The following RPS6KA2 variants were observed in gnomAD, a reference collection of about 807,000 sequenced individuals.
RPS6KA2 encodes ribosomal protein S6 kinase alpha-2.
Under a neutral mutation model 91.8 loss-of-function variants are expected in RPS6KA2, and 42 were observed. The observed-to-expected ratio is 0.46, with a 90% confidence interval of 0.36 to 0.59. The LOEUF is 0.59. Ranked by LOEUF, RPS6KA2 falls within the 20% of genes least tolerant of loss-of-function variation. The pLI, the probability that RPS6KA2 is intolerant of heterozygous loss-of-function variation, is 0.00. For synonymous variants in RPS6KA2, 414 were observed against 393.6 expected (o/e 1.05, Z -0.61); for missense variants, 798 against 978.5 (o/e 0.82, Z 2.46).
chr6:166,504,240 T>C (rs1252252849), intron 6 of RPS6KA2, among the ~76,000 whole-genome samples: 2 of 152,186 alleles, frequency 1.3e-5, no homozygotes, highest in Non-Finnish European at 2.9e-5. Flanking sequence ...ATCACAGACA[T>C]GCACCTGAGC....
intron 2 of RPS6KA2, among the ~76,000 whole-genome samples, chr6:166,836,354 T>G (rs1162159830): frequency 6.6e-6 from 1 of 152,212 alleles, no homozygotes; most frequent in Non-Finnish European, 1.5e-5. Flanking sequence ...AATTCACTAG[T>G]GAATTCAATT....
chr6:166,438,456 C>T (rs1210027607), intron 14 of RPS6KA2, among the ~76,000 whole-genome samples: 1 of 152,368 alleles, frequency 6.6e-6, no homozygotes, highest in East Asian at 1.9e-4. Flanking sequence ...TATTCTTGCA[C>T]AGTTCTAAGG....
rs542173355 is a variant in RPS6KA2, at chr6:166,459,010, C to T, written c.1075+439G>A. On this transcript the variant is annotated intron_variant, in intron 12 of 20. Transcript: ENST00000265678. The surrounding 1 kb of genome is among the most constrained non-coding windows in gnomAD (Gnocchi z 4.9). ...TCCAATTGCTGTGCTATTTAGTAGC[C>T]GATACTACTTTTCAAATGGGTTTCT... is the stretch of plus-strand genomic sequence containing the variant. Among the ~76,000 whole-genome samples, 4 of 152,148 alleles carry T rather than the reference C, an allele frequency of 2.6e-5. No homozygotes were observed. Among genetic ancestry groups the T allele is most frequent in the South Asian group, 2.1e-4 (1 of 4,818 alleles).
intron 2 of RPS6KA2, among the ~76,000 whole-genome samples, chr6:166,781,836 G>C (rs1778781453): frequency 6.6e-6 from 1 of 152,208 alleles, no homozygotes; most frequent in Admixed American, 6.5e-5. Context: ...AGCCGACTAT[G>C]GGCAGAGTGT....
intron 2 of RPS6KA2, among the ~76,000 whole-genome samples, chr6:166,721,314 C>T (rs1300943716): frequency 1.3e-5 from 2 of 152,216 alleles, no homozygotes; most frequent in African/African-American, 4.8e-5. Context: ...GGGAAAATAC[C>T]GGAGAGGCAA....
chr6:166,503,661 G>A (rs570071182), intron 6 of RPS6KA2, among the ~76,000 whole-genome samples: 2 of 152,324 alleles, frequency 1.3e-5, no homozygotes, highest in South Asian at 4.1e-4. Context: ...TCACCTCAGG[G>A]ATACTGCTGA....
chr6:166,647,876 G>T (rs1787678415), intron 2 of RPS6KA2, among the ~76,000 whole-genome samples: 1 of 86,510 alleles, frequency 1.2e-5, no homozygotes, highest in Admixed American at 1.2e-4. Context: ...ACATGCACAT[G>T]CTGACACACA....
Position 166,799,147 on chromosome 6 carries a change from T to G in RPS6KA2, c.123+59053A>C, listed in dbSNP as rs140881097. On this transcript the variant is annotated intron_variant, in intron 2 of 21. Coordinates refer to the RPS6KA2 transcript ENST00000503859. ...TTCCCATTTATGTGAACAAGTTTGC[T>G]TTAGCTCATAAAAATGAAACTAGAG... 2.9e-3 allele frequency among the ~76,000 whole-genome samples: 443 copies of G among 152,364 alleles called. 3 individuals are homozygous for G. Among genetic ancestry groups the G allele is most frequent in the African/African-American group, 0.01 (423 of 41,586 alleles).
At chr6:166,803,886 T>C (rs571748125) in intron 2 of RPS6KA2, among the ~76,000 whole-genome samples, 2 of 152,322 alleles carry the variant, frequency 1.3e-5, no homozygotes, top group Admixed American at 6.5e-5. Context: ...TGGCTGAAAA[T>C]TGCTTTTAAA....
At chr6:166,555,792 G>C (rs1784160209) in intron 1 of RPS6KA2, among the ~76,000 whole-genome samples, 1 of 152,126 alleles carries the variant, frequency 6.6e-6, no homozygotes, top group Non-Finnish European at 1.5e-5. Flanking sequence ...ACCCAGATAG[G>C]TCCTTCATCT....
At chr6:166,690,212 C>T (rs1789163801) in intron 2 of RPS6KA2, among the ~76,000 whole-genome samples, 1 of 152,182 alleles carries the variant, frequency 6.6e-6, no homozygotes, top group African/African-American at 2.4e-5. Context: ...GGGGTCTTTT[C>T]TCCCACAGCT....
At chr6:166,744,700 A>G (rs1790932255) in intron 2 of RPS6KA2, among the ~76,000 whole-genome samples, 1 of 152,098 alleles carries the variant, frequency 6.6e-6, no homozygotes, top group Non-Finnish European at 1.5e-5. Context: ...CCAGGAGAGG[A>G]GGAGATGACA....
intron 16 of RPS6KA2, among the ~76,000 whole-genome samples, chr6:166,425,503 G>A (rs1778877395): frequency 6.6e-6 from 1 of 152,114 alleles, no homozygotes; most frequent in African/African-American, 2.4e-5. Context: ...GACACAGACT[G>A]GCAAATTGGA....
intron 1 of RPS6KA2, among the ~76,000 whole-genome samples, chr6:166,860,139 T>C (rs900026280): frequency 1.9e-5 from 1 of 51,516 alleles, no homozygotes; most frequent in African/African-American, 2.9e-5. Flanking sequence ...TTTGGAAATT[T>C]CCTCAGAAAC....
intron 1 of RPS6KA2, among the ~76,000 whole-genome samples, chr6:166,579,968 T>C (rs1017807691): frequency 1.2e-4 from 19 of 152,208 alleles, no homozygotes; most frequent in African/African-American, 3.9e-4. Context: ...GACAACACCT[T>C]CCTAACTGCG....
intron 2 of RPS6KA2, among the ~76,000 whole-genome samples, chr6:166,659,788 G>A (rs991978366): frequency 3.9e-5 from 6 of 152,236 alleles, no homozygotes; most frequent in Non-Finnish European, 7.3e-5. Flanking sequence ...CTCTAGCACC[G>A]ACTGCGGGAT....
At chr6:166,668,498 G>A (rs1788381933) in intron 2 of RPS6KA2, among the ~76,000 whole-genome samples, 1 of 152,178 alleles carries the variant, frequency 6.6e-6, no homozygotes, top group Non-Finnish European at 1.5e-5. Flanking sequence ...CACAGAAAGT[G>A]TTTCATACAA....
chr6:166,678,873 T>C (rs1236989052), intron 2 of RPS6KA2, among the ~76,000 whole-genome samples: 1 of 152,252 alleles, frequency 6.6e-6, no homozygotes, highest in Non-Finnish European at 1.5e-5. Context: ...CACAGATGAA[T>C]TTCTAAAATT....
In RPS6KA2 at chr6:166,603,228, G is replaced by A. The variant is rs896657797; in HGVS notation, c.99+23693C>T. Among the ~76,000 whole-genome samples the A allele has an allele frequency of 1.3e-5, 2 of 152,182 alleles. No individual in the cohort carries two copies. Among genetic ancestry groups the A allele is most frequent in the Non-Finnish European group, 2.9e-5 (2 of 68,042 alleles). ...CTACTTCCCTGTCTGCGGTCTCTGC[G>A]TGACACAAGTTATGGTTTCTAAGGG... On this transcript the variant is annotated intron_variant, in intron 1 of 20. Coordinates refer to ENST00000265678, the MANE Select transcript of RPS6KA2 (RefSeq NM_021135.6). The surrounding 1 kb of genome is among the most constrained non-coding windows in gnomAD (Gnocchi z 4.3).
Sources: allele counts gnomAD v4.1 joint callset (sites outside exome capture counted in the v4.1 genomes callset), GRCh38; gene constraint gnomAD v4.1.1; non-coding constraint Gnocchi (gnomAD v3.1); transcripts MANE v1.5; gene names NCBI Gene and HGNC (gene_info 2026-07-23, HGNC 2026-07-21).